Variants in CDH8 observed in about 807,000 individuals in gnomAD.
CDH8 encodes cadherin-8.
A neutral mutation model predicts 68.1 loss-of-function variants in CDH8; 17 were observed. That is an observed-to-expected ratio of 0.25 (90% CI 0.17 to 0.37). The LOEUF is 0.37. Ranked by LOEUF, CDH8 falls within the 10% of genes least tolerant of loss-of-function variation. CDH8 has a pLI of 1.00. For synonymous variants in CDH8, 372 were observed against 365.1 expected, an observed-to-expected ratio of 1.02 and a Z score of -0.21; for missense variants, 763 against 999.3, an observed-to-expected ratio of 0.76 and a Z score of 3.19.
At chr16:61,779,900 C>A (rs891389821) in intron 8 of CDH8, among the ~76,000 whole-genome samples, 12 of 152,068 alleles carry the variant, frequency 7.9e-5, no homozygotes, top group Non-Finnish European at 4.4e-5. Flanking sequence ...TCAAATTGAG[C>A]AAGAAGATAA....
At chr16:61,973,773 C>T (rs1331372663) in intron 2 of CDH8, among the ~76,000 whole-genome samples, 1 of 152,208 alleles carries the variant, frequency 6.6e-6, no homozygotes, top group African/African-American at 2.4e-5. Context: ...TCTCCAGTTA[C>T]CGATTAAATT....
intron 9 of CDH8, among the ~76,000 whole-genome samples, chr16:61,723,433 T>C (rs1959252343): frequency 6.6e-6 from 1 of 150,942 alleles, no homozygotes; most frequent in African/African-American, 2.4e-5. Context: ...ACTTGATAGA[T>C]GTTTTCTGTC....
intron 2 of CDH8, among the ~76,000 whole-genome samples, chr16:62,003,144 A>T (rs1965920330): frequency 6.6e-6 from 1 of 152,154 alleles, no homozygotes; most frequent in Admixed American, 6.5e-5. Flanking sequence ...GGTAGTAAGC[A>T]TGTGTGTGTA....
At chr16:61,803,499 C>G (rs1961711065) in intron 7 of CDH8, among the ~76,000 whole-genome samples, 2 of 151,514 alleles carry the variant, frequency 1.3e-5, no homozygotes, top group Admixed American at 1.3e-4. Flanking sequence ...ACTAAATTCT[C>G]CATTTAAAAG....
Position 61,653,422 on chromosome 16 carries a change from C to A in CDH8, c.*186G>T, listed in dbSNP as rs755774311. 7.2e-7 allele frequency: 1 copy of A among 1,395,016 alleles called. No individual in the cohort carries two copies. Among genetic ancestry groups the A allele is most frequent in the Non-Finnish European group, 9.3e-7 (1 of 1,077,898 alleles). The allele number at this position is 1,395,016 out of a possible 1,614,324, so 86.4% of individuals were successfully genotyped here. A position where few individuals can be genotyped will look rare whatever the true frequency, so the allele number is the denominator to read the frequency against. On this transcript the variant is annotated 3_prime_UTR_variant, in exon 12 of 12. Transcript: ENST00000577390. ...AATTCACACTCCACAAGATTTATAA[C>A]CTCCTAACATATACTTTTTTATTTT...
chr16:61,727,173 A>G lies in CDH8; in HGVS notation c.1457T>C (p.Val486Ala). Residue 486 changes from valine (V) to alanine (A), a missense_variant, in exon 9 of 12, where the codon GTG (valine) becomes GCG (alanine). Coordinates refer to ENST00000577390, the MANE Select transcript of CDH8 (RefSeq NM_001796.5). ...QISRVPVAIK[V>A]LDVNDNAPEF... ...AGGGGCGTTGTCATTGACATCCAGC[A>G]CTTTAATAGCAACAGGTACTCGTGA... is the stretch of plus-strand genomic sequence containing the variant. The G allele has an allele frequency of 6.2e-7, 1 of 1,610,156 alleles. No homozygotes were observed. Among genetic ancestry groups the G allele is most frequent in the Non-Finnish European group, 8.5e-7 (1 of 1,177,422 alleles).
chr16:61,979,031 T>C, intron 2 of CDH8, among the ~76,000 whole-genome samples: 1 of 151,600 alleles, frequency 6.6e-6, no homozygotes, highest in East Asian at 1.9e-4. Flanking sequence ...TTTAAACTTT[T>C]GAAAAGCAAT....
At chr16:61,765,400 C>A (rs1287878994) in intron 8 of CDH8, among the ~76,000 whole-genome samples, 1 of 151,910 alleles carries the variant, frequency 6.6e-6, no homozygotes, top group Non-Finnish European at 1.5e-5. Flanking sequence ...AATAAATAGA[C>A]AATTATGGTT....
rs982853441 is a variant in CDH8, at chr16:61,918,945, C to T, written c.253-17472G>A. ...GACAGCTTTGAAGAGAGCAGTGGTT[C>T]TCCCAGCACGCAGCTGGAGATCTGA... On this transcript the variant is annotated intron_variant, in intron 2 of 11. Coordinates refer to ENST00000577390, the MANE Select transcript of CDH8 (RefSeq NM_001796.5). 8.1e-5 allele frequency among the ~76,000 whole-genome samples: 12 copies of T among 148,498 alleles called. 1 individual carries two copies. Among genetic ancestry groups the T allele is most frequent in the African/African-American group, 2.7e-4 (11 of 40,204 alleles).
At chr16:61,897,378 G>A (rs7201646) in intron 3 of CDH8, among the ~76,000 whole-genome samples, 31,552 of 151,896 alleles carry the variant, frequency 0.21, 3,654 homozygotes, top group African/African-American at 0.32. Context: ...TCAGCCTCCC[G>A]AGTAGCTGGG....
intron 2 of CDH8, among the ~76,000 whole-genome samples, chr16:61,959,990 A>G (rs1287027100): frequency 4.0e-4 from 28 of 70,378 alleles, no homozygotes; most frequent in African/African-American, 2.5e-3. Context: ...GTGTGTATAT[A>G]TATATATATA....
intron 2 of CDH8, among the ~76,000 whole-genome samples, chr16:61,959,352 C>G (rs60893490): frequency 0.068 from 10,412 of 152,134 alleles, 538 homozygotes; most frequent in African/African-American, 0.14. Flanking sequence ...TTCCACATCT[C>G]TCTTTTGCTT....
intron 2 of CDH8, among the ~76,000 whole-genome samples, chr16:61,942,171 C>G (rs1177901835): frequency 1.3e-5 from 2 of 152,024 alleles, no homozygotes; most frequent in Non-Finnish European, 2.9e-5. Context: ...CAGTTTAAAA[C>G]TCTTCAGTAC....
chr16:61,932,592 C>T (rs981384904), intron 2 of CDH8, among the ~76,000 whole-genome samples: 1 of 152,156 alleles, frequency 6.6e-6, no homozygotes, highest in Non-Finnish European at 1.5e-5. Context: ...TGTATCATTA[C>T]TTATTTTCTG....
chr16:61,737,156 T>G lies in CDH8; in HGVS notation c.1415-9941A>C, dbSNP rs150650853. On this transcript the variant is annotated intron_variant, in intron 8 of 11. Transcript: ENST00000577390. ...GTAATGGAATACTGCCAAGTCTAAG[T>G]TACTTGGGAATTTGCTTTTAACTGG... Among the ~76,000 whole-genome samples, 626 of 152,296 alleles carry G rather than the reference T, an allele frequency of 4.1e-3. 8 individuals are homozygous for G. The highest frequency in any genetic ancestry group is 0.014 in the African/African-American group (590 of 41,568).
intron 2 of CDH8, among the ~76,000 whole-genome samples, chr16:62,005,542 C>T (rs1327744330): frequency 1.3e-5 from 2 of 151,520 alleles, no homozygotes; most frequent in African/African-American, 4.9e-5. Context: ...TCGAGACCAT[C>T]CTGGCCAACA....
intron 4 of CDH8, among the ~76,000 whole-genome samples, chr16:61,850,412 T>C (rs1291559178): frequency 2.0e-5 from 3 of 151,976 alleles, no homozygotes; most frequent in African/African-American, 7.2e-5. Flanking sequence ...GGAGGTCACA[T>C]TTCAACATAA....
chr16:61,888,648 T>C (rs949717938), intron 3 of CDH8, among the ~76,000 whole-genome samples: 5 of 152,198 alleles, frequency 3.3e-5, no homozygotes, highest in Admixed American at 3.3e-4. Context: ...AATGTGTCTG[T>C]AGAATGCTTA....
At chr16:61,813,437 C>A (rs1333668920) in intron 7 of CDH8, among the ~76,000 whole-genome samples, 1 of 152,138 alleles carries the variant, frequency 6.6e-6, no homozygotes, top group East Asian at 1.9e-4. Context: ...AATGCCTAAG[C>A]TGATAAAAGG....
Sources: allele counts gnomAD v4.1 joint callset (sites outside exome capture counted in the v4.1 genomes callset), GRCh38; gene constraint gnomAD v4.1.1; transcripts MANE v1.5; gene names NCBI Gene and HGNC (gene_info 2026-07-23, HGNC 2026-07-21).